Variants in GALNTL5 observed in about 807,000 individuals in gnomAD.
GALNTL5 encodes inactive polypeptide N-acetylgalactosaminyltransferase-like protein 5.
In GALNTL5, 44 loss-of-function variants were observed where a neutral mutation model predicts 51.0. That is an observed-to-expected ratio of 0.86 (90% CI 0.68 to 1.11). GALNTL5 has a LOEUF of 1.11. Among genes scored for constraint, GALNTL5 ranks in the 50% least tolerant of loss-of-function variants. GALNTL5 has a pLI of 0.00. For synonymous variants in GALNTL5, 192 were observed against 182.8 expected (o/e 1.05, Z -0.41); for missense variants, 528 against 531.8 (o/e 0.99, Z 0.07).
chr7:152,019,878 G>A lies in GALNTL5; in HGVS notation c.*77G>A. The stretch of plus-strand genomic sequence containing the variant: ...TCAACATAGTGTCACAAGAGTGTAA[G>A]TTTGGAACATCGTGGAATTACGTGA... On this transcript the variant is annotated 3_prime_UTR_variant, in exon 9 of 9. Transcript: ENST00000392800. The A allele has an allele frequency of 9.6e-6, 12 of 1,245,666 alleles. No homozygotes were observed. Among genetic ancestry groups the A allele is most frequent in the Non-Finnish European group, 1.3e-5 (12 of 896,046 alleles). 77.2% of individuals were successfully genotyped at this position (1,245,666 alleles called of 1,614,324 possible).
chr7:151,967,620 T>C lies in GALNTL5; in HGVS notation c.247+127T>C, dbSNP rs1410824437. 6 of 646,534 alleles carry C rather than the reference T, an allele frequency of 9.3e-6. No individual in the cohort carries two copies. In the East Asian group the frequency reaches 1.2e-4, roughly 13 times the overall value. The allele number at this position is 646,534 out of a possible 1,614,324, so 40.0% of individuals were successfully genotyped here. A position where few individuals can be genotyped will look rare whatever the true frequency, so the allele number is the denominator to read the frequency against. On this transcript the variant is annotated intron_variant, in intron 2 of 8. Transcript: ENST00000392800. The stretch of plus-strand genomic sequence containing the variant: ...ACTTTTTAAGATATAAATTATTTTA[T>C]ATAGTGTATATATCTATACATAGAA...
intron 7 of GALNTL5, among the ~76,000 whole-genome samples, chr7:152,011,105 G>C (rs78053172): frequency 6.6e-6 from 1 of 152,102 alleles, no homozygotes; most frequent in South Asian, 2.1e-4. Flanking sequence ...GAACTAGTAA[G>C]CACTCTGCTC....
chr7:151,974,760 C>G (rs1426705852), intron 3 of GALNTL5, among the ~76,000 whole-genome samples: 8 of 152,184 alleles, frequency 5.3e-5, no homozygotes, highest in Non-Finnish European at 1.0e-4. Context: ...TTTGTTCTCC[C>G]TAAATCTCAC....
At chr7:151,961,627 G>A (rs549780747) in intron 1 of GALNTL5, among the ~76,000 whole-genome samples, 4 of 152,064 alleles carry the variant, frequency 2.6e-5, no homozygotes, top group Admixed American at 6.5e-5. Context: ...AGTGTGGGTC[G>A]AAGGAGGACA....
intron 5 of GALNTL5, among the ~76,000 whole-genome samples, chr7:151,996,915 T>C (rs2081507874): frequency 1.3e-5 from 2 of 151,990 alleles, no homozygotes; most frequent in South Asian, 2.1e-4. Context: ...AGGGTGAAAA[T>C]GTGGACACTA....
intron 3 of GALNTL5, among the ~76,000 whole-genome samples, chr7:151,981,577 CCTTCCT>C (rs2081288574): frequency 9.8e-5 from 2 of 20,446 alleles, no homozygotes; most frequent in African/African-American, 1.5e-4. Flanking sequence ...TTCCTTCCTT[CCTTCCT>C]TCCTTCCCTC....
chr7:152,005,880 T>C (rs1486489025), intron 6 of GALNTL5, among the ~76,000 whole-genome samples: 1 of 152,214 alleles, frequency 6.6e-6, no homozygotes, highest in Non-Finnish European at 1.5e-5. Flanking sequence ...TCTCTGGTAC[T>C]GAACACAATC....
intron 7 of GALNTL5, 126 bp downstream of exon 7, chr7:152,008,070 A>G (rs2081674067): frequency 1.6e-6 from 1 of 622,668 alleles, no homozygotes; most frequent in Non-Finnish European, 2.8e-6. Flanking sequence ...CAGCACATGC[A>G]ATAAACAATT....
At chr7:151,972,350 G>T (rs905308125) in intron 3 of GALNTL5, among the ~76,000 whole-genome samples, 46 of 152,128 alleles carry the variant, frequency 3.0e-4, no homozygotes, top group Non-Finnish European at 6.6e-4. Flanking sequence ...TTGAGGTTTG[G>T]AAAATTTGCA....
intron 5 of GALNTL5, among the ~76,000 whole-genome samples, chr7:151,998,884 T>A (rs1177337733): frequency 6.6e-6 from 1 of 151,052 alleles, no homozygotes; most frequent in East Asian, 2.0e-4. Flanking sequence ...TAAAAAAAAA[T>A]TAACCAGATT....
At chr7:151,960,061 TC>T (rs1023760527) in intron 1 of GALNTL5, 1 of 152,112 alleles carries the variant, frequency 6.6e-6, no homozygotes, top group Non-Finnish European at 1.5e-5. Flanking sequence ...TCCTCAGCTC[TC>T]CCCGCCCTTC....
At chr7:151,969,848 C>T (rs558610597) in intron 2 of GALNTL5, among the ~76,000 whole-genome samples, 4 of 152,310 alleles carry the variant, frequency 2.6e-5, no homozygotes, top group African/African-American at 9.6e-5. Context: ...GCTCTGTCGC[C>T]CAGGCTGGAG....
intron 7 of GALNTL5, among the ~76,000 whole-genome samples, chr7:152,011,331 T>A (rs984680720): frequency 5.3e-5 from 8 of 152,254 alleles, no homozygotes; most frequent in Non-Finnish European, 7.3e-5. Context: ...AGCTACAGGT[T>A]CACTTCCAGT....
intron 3 of GALNTL5, among the ~76,000 whole-genome samples, chr7:151,973,980 G>A (rs987499348): frequency 2.0e-5 from 3 of 152,056 alleles, no homozygotes; most frequent in African/African-American, 4.8e-5. Context: ...CCCCGTGCTC[G>A]CTCTCTGTCC....
At chr7:151,993,770 C>A (rs1382340696) in intron 5 of GALNTL5, among the ~76,000 whole-genome samples, 1 of 151,962 alleles carries the variant, frequency 6.6e-6, no homozygotes, top group Non-Finnish European at 1.5e-5. Flanking sequence ...AAGCAGGAGT[C>A]ACCACACCTG....
intron 3 of GALNTL5, among the ~76,000 whole-genome samples, chr7:151,980,962 G>A (rs1193953789): frequency 1.3e-5 from 2 of 151,656 alleles, no homozygotes; most frequent in African/African-American, 4.9e-5. Context: ...AGCCAGGATG[G>A]TCTCGATCTC....
At chr7:151,977,466 C>T (rs1053531719) in intron 3 of GALNTL5, among the ~76,000 whole-genome samples, 1 of 152,058 alleles carries the variant, frequency 6.6e-6, no homozygotes, top group Non-Finnish European at 1.5e-5. Flanking sequence ...ATTAAAGTAA[C>T]AATTCATCTC....
At chr7:152,017,287 G>A (rs1444984623) in intron 8 of GALNTL5, among the ~76,000 whole-genome samples, 1 of 152,084 alleles carries the variant, frequency 6.6e-6, no homozygotes, top group Non-Finnish European at 1.5e-5. Flanking sequence ...GAACACTGTA[G>A]GCAGTTGTAA....
In GALNTL5 at chr7:151,983,020, A is replaced by T. The variant is rs1327987910; in HGVS notation, c.403A>T (p.Thr135Ser). 6.2e-7 allele frequency: 1 copy of T among 1,614,154 alleles called. No homozygotes were observed. The highest frequency in any genetic ancestry group is 8.5e-7 in the Non-Finnish European group (1 of 1,180,020). The change falls in exon 4 of 9, where the codon ACT (threonine) becomes TCT (serine). Residue 135 changes from threonine to serine, a missense_variant. Thr to Ser is a moderately conservative substitution (Grantham distance 58). Transcript: ENST00000392800. ...AAAACATTACCCAGCCCGCCTCCCGACTGCCAGCATTGTCATTTGCTTCTA... is the reference window on the plus strand; with the variant it reads ...AAAACATTACCCAGCCCGCCTCCCGTCTGCCAGCATTGTCATTTGCTTCTA... ...LQKHYPARLP[T>S]ASIVICFYNE...
Sources: gnomAD v4.1 joint callset for allele counts (sites outside exome capture counted in the v4.1 genomes callset) on GRCh38, gnomAD v4.1.1 for gene constraint, MANE v1.5 for transcripts, NCBI Gene and HGNC (gene_info 2026-07-23, HGNC 2026-07-21) for gene names.